KCNT2: variants seen among roughly 807,000 people sequenced by gnomAD.
KCNT2 encodes the protein potassium channel subfamily T member 2.
KCNT2 carries 67 observed loss-of-function variants against 153.8 expected under a neutral mutation model. The ratio of observed to expected loss-of-function variants is 0.44; its 90% CI spans 0.36 to 0.53. The LOEUF is 0.53. Ranked by LOEUF, KCNT2 falls within the 20% of genes least tolerant of loss-of-function variation. The pLI, the probability that KCNT2 is intolerant of heterozygous loss-of-function variation, is 0.00. For synonymous variants in KCNT2, 500 were observed against 458.8 expected (o/e 1.09, Z -1.15); for missense variants, 975 against 1,354.8 (o/e 0.72, Z 4.40).
rs113409719 is a variant in KCNT2 at position 196,422,231 on chromosome 1, A to G, written c.1185+819T>C. ...GGACTTACAGTCCTAGATTAATGTA[A>G]AAGAGTATGCCTATTAAGTGCTCCA... On this transcript the variant is annotated intron_variant, in intron 12 of 27. Transcript: ENST00000294725. Among the ~76,000 whole-genome samples, 861 of 152,140 alleles carry G rather than the reference A, an allele frequency of 5.7e-3. 7 individuals carry two copies. Among genetic ancestry groups the G allele is most frequent in the African/African-American group, 0.019 (794 of 41,566 alleles).
chr1:196,517,489 G>A (rs1652737681), intron 1 of KCNT2, among the ~76,000 whole-genome samples: 3 of 152,110 alleles, frequency 2.0e-5, no homozygotes, highest in Non-Finnish European at 2.9e-5. Context: ...AGATGCAGGA[G>A]AACAGCAAAG....
chr1:196,370,569 A>T (rs1644369774), intron 14 of KCNT2, among the ~76,000 whole-genome samples: 1 of 152,084 alleles, frequency 6.6e-6, no homozygotes. Flanking sequence ...GATAATTACG[A>T]ATACTGCTGA....
At chr1:196,376,996 G>A (rs1439414187) in intron 13 of KCNT2, among the ~76,000 whole-genome samples, 1 of 151,934 alleles carries the variant, frequency 6.6e-6, no homozygotes, top group South Asian at 2.1e-4. Flanking sequence ...TGTAGGTCTT[G>A]TATGGTCAAA....
chr1:196,342,800 C>T (rs913763315), intron 14 of KCNT2, among the ~76,000 whole-genome samples: 5 of 151,894 alleles, frequency 3.3e-5, no homozygotes, highest in Non-Finnish European at 7.4e-5. Context: ...ATAGCAGTCA[C>T]GAAAAGACAC....
intron 26 of KCNT2, among the ~76,000 whole-genome samples, chr1:196,247,496 A>T (rs1655559786): frequency 1.3e-5 from 2 of 152,308 alleles, no homozygotes; most frequent in South Asian, 4.1e-4. Flanking sequence ...GAACCGCCTG[A>T]GACTGGGTAA....
chr1:196,451,844 C>A (rs1467544067), intron 8 of KCNT2, among the ~76,000 whole-genome samples: 1 of 151,742 alleles, frequency 6.6e-6, no homozygotes, highest in East Asian at 2.0e-4. Context: ...GGGAGACTGA[C>A]CAAAGAGATA....
At chr1:196,491,815 A>C (rs943553575) in intron 2 of KCNT2, among the ~76,000 whole-genome samples, 2 of 152,082 alleles carry the variant, frequency 1.3e-5, no homozygotes, top group African/African-American at 4.8e-5. Flanking sequence ...ATTTCAGTGC[A>C]ACCTAGATGT....
intron 14 of KCNT2, among the ~76,000 whole-genome samples, chr1:196,358,349 A>C (rs1429637243): frequency 6.6e-6 from 1 of 151,706 alleles, no homozygotes; most frequent in African/African-American, 2.4e-5. Context: ...AATAATTATC[A>C]TTATTTTATT....
chr1:196,243,445 G>T (rs1558059676), intron 26 of KCNT2, among the ~76,000 whole-genome samples: 1 of 152,172 alleles, frequency 6.6e-6, no homozygotes, highest in African/African-American at 2.4e-5. Context: ...GCACTAAGGA[G>T]AGTAGGAAAG....
intron 1 of KCNT2, among the ~76,000 whole-genome samples, chr1:196,565,043 G>A (rs1021058598): frequency 5.4e-5 from 8 of 147,934 alleles, no homozygotes; most frequent in Admixed American, 1.4e-4. Flanking sequence ...TACAGAATAG[G>A]AGAAAATATT....
At chr1:196,250,366 C>G (rs1445017257) in intron 26 of KCNT2, among the ~76,000 whole-genome samples, 2 of 151,964 alleles carry the variant, frequency 1.3e-5, no homozygotes, top group African/African-American at 4.8e-5. Context: ...CACAAAGGTG[C>G]CAAGAACATA....
intron 2 of KCNT2, among the ~76,000 whole-genome samples, chr1:196,490,963 G>A (rs896496856): frequency 1.3e-5 from 2 of 151,876 alleles, no homozygotes; most frequent in Non-Finnish European, 2.9e-5. Context: ...TAAAAAGGTC[G>A]ATGCTTATCA....
chr1:196,410,948 TCCTC>T (rs1672248435), intron 12 of KCNT2, among the ~76,000 whole-genome samples: 1 of 150,402 alleles, frequency 6.6e-6, no homozygotes, highest in Admixed American at 6.7e-5. Context: ...TTCTCTCCTT[TCCTC>T]CCTCTCTTCC....
chr1:196,258,047 T>G, intron 26 of KCNT2, 147 bp downstream of exon 26: 1 of 1,430,442 alleles, frequency 7.0e-7, no homozygotes. Flanking sequence ...ATTTAAATTT[T>G]CTGTAGGAGA....
In KCNT2 at chr1:196,505,998, T is replaced by A. The variant is rs189412870; in HGVS notation, c.96-13657A>T. Among the ~76,000 whole-genome samples, 460 of 152,194 alleles carry A rather than the reference T, an allele frequency of 3.0e-3. 3 individuals carry two copies. Among genetic ancestry groups the A allele is most frequent in the African/African-American group, 0.01 (434 of 41,532 alleles). ...GAGATTTTGGGCTGAGACAATGGGG[T>A]TTTCTAGATATACAATCATGTCATC... On this transcript the variant is annotated intron_variant, in intron 1 of 27. Transcript: ENST00000294725.
intron 12 of KCNT2, among the ~76,000 whole-genome samples, chr1:196,419,805 C>G (rs1479412128): frequency 2.0e-5 from 3 of 151,536 alleles, no homozygotes; most frequent in Non-Finnish European, 2.9e-5. Flanking sequence ...TCCTATTGTT[C>G]CTCTTCCTCA....
chr1:196,415,504 C>T (rs1672680474), intron 12 of KCNT2, among the ~76,000 whole-genome samples: 1 of 150,636 alleles, frequency 6.6e-6, no homozygotes. Flanking sequence ...TTGTACTCAC[C>T]TATATATAAA....
chr1:196,427,997 G>A, intron 10 of KCNT2, 108 bp downstream of exon 10: 1 of 738,532 alleles, frequency 1.4e-6, no homozygotes, highest in Non-Finnish European at 2.2e-6. Flanking sequence ...ATATTTGGTT[G>A]TATAAATAAA....
chr1:196,441,091 G>A (rs1343052817), intron 8 of KCNT2, among the ~76,000 whole-genome samples: 1 of 151,668 alleles, frequency 6.6e-6, no homozygotes, highest in Non-Finnish European at 1.5e-5. Context: ...CATGCCATAT[G>A]GAAAGGAAGA....
Sources: gnomAD v4.1 joint callset for allele counts (sites outside exome capture counted in the v4.1 genomes callset) on GRCh38, gnomAD v4.1.1 for gene constraint, MANE v1.5 for transcripts, NCBI Gene and HGNC (gene_info 2026-07-23, HGNC 2026-07-21) for gene names.